EMILIN1: variants seen among roughly 807,000 people sequenced by gnomAD.
EMILIN1 encodes EMILIN-1.
Under a neutral mutation model 82.4 loss-of-function variants are expected in EMILIN1, and 49 were observed. The ratio of observed to expected loss-of-function variants is 0.59; its 90% CI spans 0.47 to 0.75. The LOEUF is 0.75. Among genes scored for constraint, EMILIN1 ranks in the 30% least tolerant of loss-of-function variants. EMILIN1 has a pLI of 0.00. For synonymous variants in EMILIN1, 604 were observed against 602.2 expected, an observed-to-expected ratio of 1.00 and a Z score of -0.04; for missense variants, 1,313 against 1,366.4, an observed-to-expected ratio of 0.96 and a Z score of 0.62.
At chr2:27,084,102 T>C in intron 4 of EMILIN1, 91 bp downstream of exon 4, 1 of 1,323,544 alleles carries the variant, frequency 7.6e-7, no homozygotes, top group Non-Finnish European at 1.0e-6. Context: ...ATCTGCTTTC[T>C]CCTTGCTTTT....
In EMILIN1 at chr2:27,085,915, G is replaced by C. The variant is rs908527290; in HGVS notation, c.2951G>C (p.Cys984Ser). 2.6e-6 allele frequency: 4 copies of C among 1,552,998 alleles called. No homozygotes were observed. The highest frequency in any genetic ancestry group is 3.5e-6 in the Non-Finnish European group (4 of 1,144,878). Residue 984 changes from cysteine (C) to serine (S), a missense_variant, in exon 8 of 8, where the codon TGC (cysteine) becomes TCC (serine). Cys to Ser is a moderately radical substitution (Grantham distance 112). Transcript: ENST00000380320. The stretch of plus-strand genomic sequence containing the variant: ...CCGCTGCAGGCCGGGGACACGGTCT[G>C]CGTCGACCTGGTCATGGGGCAGCTG... ...ILPLQAGDTVCVDLVMGQLAH... is the reference protein window; with the variant it reads ...ILPLQAGDTVSVDLVMGQLAH...
rs768179249 is a variant in EMILIN1, at chr2:27,080,146, T to A, written c.171-5T>A. 1 of 1,613,866 alleles carries A rather than the reference T, an allele frequency of 6.2e-7. No homozygotes were observed. Among genetic ancestry groups the A allele is most frequent in the Non-Finnish European group, 8.5e-7 (1 of 1,179,796 alleles). ...CCTTGGACCCAGAGGGGGTTGTACCTACAGGAACTGGTGTGCCTACGTGGT... is the reference window on the plus strand; with the variant it reads ...CCTTGGACCCAGAGGGGGTTGTACCAACAGGAACTGGTGTGCCTACGTGGT... On this transcript the variant is annotated splice_polypyrimidine_tract_variant and splice_region_variant and intron_variant, in intron 1 of 7. Coordinates refer to ENST00000380320, the MANE Select transcript of EMILIN1 (RefSeq NM_007046.4).
chr2:27,084,460 G>C lies in EMILIN1; in HGVS notation c.2486G>C (p.Gly829Ala), dbSNP rs762501087. Residue 829 changes from glycine to alanine, a missense_variant, in exon 5 of 8, where the codon GGA (glycine) becomes GCA (alanine). Transcript: ENST00000380320. Reference protein sequence around the residue: ...AGPPGPPGLQGPPGPAGPPGS... With the variant: ...AGPPGPPGLQAPPGPAGPPGS... ...CCCCCAGGGCCTCCTGGGCTGCAGGGACCCCCAGGCCCTGCTGGACCTCCA... is the reference window on the plus strand; with the variant it reads ...CCCCCAGGGCCTCCTGGGCTGCAGGCACCCCCAGGCCCTGCTGGACCTCCA... The C allele has an allele frequency of 1.2e-6, 2 of 1,612,862 alleles. No individual in the cohort carries two copies. Among genetic ancestry groups the C allele is most frequent in the Non-Finnish European group, 1.7e-6 (2 of 1,179,824 alleles).
At chr2:27,084,659 C>A in intron 5 of EMILIN1, 128 bp downstream of exon 5, 1 of 655,914 alleles carries the variant, frequency 1.5e-6, no homozygotes, top group East Asian at 2.6e-5. Flanking sequence ...ACTACCTGAC[C>A]GATAAGGGAA....
At chr2:27,084,042 T>G in intron 4 of EMILIN1, 31 bp downstream of exon 4, 1 of 1,442,932 alleles carries the variant, frequency 6.9e-7, no homozygotes, top group Non-Finnish European at 9.1e-7. Flanking sequence ...AGGGGACCCC[T>G]TTCAAGCCCC....
In EMILIN1 at chr2:27,080,826, T is replaced by C. The variant is rs772034447; in HGVS notation, c.385T>C (p.Cys129Arg). Residue 129 changes from cysteine to arginine, a missense_variant, in exon 3 of 8, where the codon TGT (cysteine) becomes CGT (arginine). Physicochemically the swap from Cys to Arg is radical, Grantham distance 180 (BLOSUM62 -3). Transcript: ENST00000380320. ...RCCQGYGGDD[C>R]AESPAPALGP... ...CTGTCAGGGTTATGGGGGCGATGAC[T>C]GTGCTGAGAGTCCCGCTCCAGCGCT... 21 of 1,613,434 alleles carry C rather than the reference T, an allele frequency of 1.3e-5. No homozygotes were observed. The South Asian group carries it at 2.2e-4, about 17-fold the overall frequency.
rs1381485639 is a variant in EMILIN1 at position 27,084,981 on chromosome 2, C to T, written c.2558-10C>T. ...TTTATTTCTCACTGCTCCCTTTCCT[C>T]TTCTCACAGGTCCTCAAGGTGAACA... On this transcript the variant is annotated splice_polypyrimidine_tract_variant and intron_variant, in intron 5 of 7. Coordinates refer to ENST00000380320, the MANE Select transcript of EMILIN1 (RefSeq NM_007046.4). 3.1e-6 allele frequency: 5 copies of T among 1,613,370 alleles called. No individual in the cohort carries two copies. In the African/African-American group the frequency reaches 6.7e-5, roughly 22 times the overall value.
intron 1 of EMILIN1, 114 bp downstream of exon 1, chr2:27,079,349 C>A: frequency 2.1e-6 from 2 of 943,096 alleles, no homozygotes; most frequent in African/African-American, 1.7e-5. Context: ...GAGTGAGAAG[C>A]CCATCCATCA....
chr2:27,084,912 G>A (rs1669568242), intron 5 of EMILIN1, 79 bp from the exon 6 acceptor site: 1 of 1,370,656 alleles, frequency 7.3e-7, no homozygotes, highest in Non-Finnish European at 1.0e-6. Context: ...AGCACAACAG[G>A]AGAGCCTCAG....
intron 4 of EMILIN1, 110 bp downstream of exon 4, chr2:27,084,121 G>C: frequency 8.2e-7 from 1 of 1,216,684 alleles, no homozygotes; most frequent in Non-Finnish European, 1.1e-6. Flanking sequence ...TTCCCAACAT[G>C]AATTGCAGCC....
rs1369319095 is a variant in EMILIN1, at chr2:27,079,163, C to G, written c.98C>G (p.Thr33Arg). 6.3e-7 allele frequency: 1 copy of G among 1,595,100 alleles called. No homozygotes were observed. The highest frequency in any genetic ancestry group is 1.4e-5 in the African/African-American group (1 of 73,084). ...CCTCCTCGAGGTTTCAGCCTCTACACAGGTTCCAGTGGGGCCCTCAGCCCC... is the reference window on the plus strand; with the variant it reads ...CCTCCTCGAGGTTTCAGCCTCTACAGAGGTTCCAGTGGGGCCCTCAGCCCC... Reference protein sequence around the residue: ...SYPPRGFSLYTGSSGALSPGG... With the variant: ...SYPPRGFSLYRGSSGALSPGG... Residue 33 changes from threonine to arginine, a missense_variant, in exon 1 of 8, where the codon ACA (threonine) becomes AGA (arginine). By Grantham distance (71) the Thr-to-Arg change is moderately conservative. Transcript: ENST00000380320.
Position 27,084,501 on chromosome 2 carries a change from G to A in EMILIN1, c.2527G>A (p.Asp843Asn), listed in dbSNP as rs770450689. The change falls in exon 5 of 8, where the codon GAC (aspartate) becomes AAC (asparagine). Residue 843 changes from aspartate (D) to asparagine (N), a missense_variant. Physicochemically the swap from Asp to Asn is conservative, Grantham distance 23. Coordinates refer to ENST00000380320, the MANE Select transcript of EMILIN1 (RefSeq NM_007046.4). ...TGGACCTCCAGGATCACCAGGCAAG[G>A]ACGGGCAAGAGGGCCCCATCGGGCC... ...PAGPPGSPGK[D>N]GQEGPIGPPG... 2 of 1,613,092 alleles carry A rather than the reference G, an allele frequency of 1.2e-6. No individual in the cohort carries two copies. Among genetic ancestry groups the A allele is most frequent in the Non-Finnish European group, 1.7e-6 (2 of 1,179,710 alleles).
In EMILIN1 at chr2:27,079,217, G is replaced by C. The variant is rs201575918; in HGVS notation, c.152G>C (p.Arg51Pro). The part of the protein sequence containing the change: ...PGGPQAQIAP[R>P]PASRHRNWCA... Reference sequence around the variant, plus strand: ...GGGCCCCAGGCCCAGATTGCCCCCCGGCCAGCCAGCCGCCACAGGTAAGAG... The same window carrying C: ...GGGCCCCAGGCCCAGATTGCCCCCCCGCCAGCCAGCCGCCACAGGTAAGAG... Residue 51 changes from arginine to proline, a missense_variant, in exon 1 of 8, where the codon CGG (arginine) becomes CCG (proline). By Grantham distance (103) the Arg-to-Pro change is moderately radical. Coordinates refer to ENST00000380320, the MANE Select transcript of EMILIN1 (RefSeq NM_007046.4). The C allele has an allele frequency of 3.2e-6, 5 of 1,572,562 alleles. No homozygotes were observed. Among genetic ancestry groups the C allele is most frequent in the South Asian group, 1.1e-5 (1 of 87,204 alleles).
chr2:27,084,619 C>A, intron 5 of EMILIN1, 88 bp downstream of exon 5: 1 of 775,208 alleles, frequency 1.3e-6, no homozygotes. Context: ...GCTTGACATT[C>A]CACTCTGAAC....
Position 27,083,622 on chromosome 2 carries a change from G to T in EMILIN1, c.2051G>T (p.Arg684Leu). The T allele has an allele frequency of 2.5e-6, 4 of 1,612,636 alleles. No homozygotes were observed. Among genetic ancestry groups the T allele is most frequent in the Non-Finnish European group, 3.4e-6 (4 of 1,178,852 alleles). Residue 684 changes from arginine (R) to leucine (L), a missense_variant, in exon 4 of 8, where the codon CGT becomes CTT. By Grantham distance (102) the Arg-to-Leu change is moderately radical (BLOSUM62 -2). Transcript: ENST00000380320. ...GCTGACCTGGGGGCAACCAAGGACC[G>T]TATCATTTCTGAGATTAACAGGCTG... ...DLADLGATKD[R>L]IISEINRLQQ... is the part of the protein sequence containing the mutation.
rs747890942 is a variant in EMILIN1, at chr2:27,080,967, T to G, written c.511+15T>G. ...GGGGGGAGAAGGTGAGTGTGGGAGC[T>G]GCTGCGAGGGTGGCAAGTTCCAAAT... is the stretch of plus-strand genomic sequence containing the variant. On this transcript the variant is annotated intron_variant, in intron 3 of 7. Transcript: ENST00000380320. 7.1e-6 allele frequency: 11 copies of G among 1,541,430 alleles called. No homozygotes were observed. Among genetic ancestry groups the G allele is most frequent in the Middle Eastern group, 1.9e-4 (1 of 5,364 alleles).
In EMILIN1 at chr2:27,085,955, G is replaced by A. The variant is rs1183265755; in HGVS notation, c.2991G>A (p.Glu997=). 2 of 1,513,688 alleles carry A rather than the reference G, an allele frequency of 1.3e-6. No individual in the cohort carries two copies. Among genetic ancestry groups the A allele is most frequent in the Non-Finnish European group, 8.9e-7 (1 of 1,122,938 alleles). 93.8% of individuals were successfully genotyped at this position (1,513,688 alleles called of 1,614,324 possible). The change falls in exon 8 of 8, where the codon GAG becomes GAA. Residue 997 remains glutamate (E), a synonymous_variant. Coordinates refer to ENST00000380320, the MANE Select transcript of EMILIN1 (RefSeq NM_007046.4). ...TGGGGCAGCTGGCGCACTCGGAGGA[G>A]CCGCTCACCATCTTCAGCGGGGCCC... ...LVMGQLAHSE[E]PLTIFSGALL... is the part of the protein sequence containing the mutation.
rs1183265755 is a variant in EMILIN1, at chr2:27,085,955, G to T, written c.2991G>T (p.Glu997Asp). The change falls in exon 8 of 8, where the codon GAG (glutamate) becomes GAT (aspartate). Residue 997 changes from glutamate to aspartate, a missense_variant. By Grantham distance (45) the Glu-to-Asp change is conservative. Transcript: ENST00000380320. ...LVMGQLAHSE[E>D]PLTIFSGALL... ...TGGGGCAGCTGGCGCACTCGGAGGA[G>T]CCGCTCACCATCTTCAGCGGGGCCC... 55 of 1,513,730 alleles carry T rather than the reference G, an allele frequency of 3.6e-5. No homozygotes were observed. The highest frequency in any genetic ancestry group is 1.7e-4 in the South Asian group (14 of 80,340). The allele number at this position is 1,513,730 out of a possible 1,614,324, so 93.8% of individuals were successfully genotyped here.
rs1381229530 is a variant in EMILIN1, at chr2:27,081,091, C to T, written c.511+139C>T. Reference sequence around the variant, plus strand: ...AGAGGGGCAGAAGGGTTAGTGAGATCGCAGAGATTCCCTGCCCGTGTGTGT... The same window carrying T: ...AGAGGGGCAGAAGGGTTAGTGAGATTGCAGAGATTCCCTGCCCGTGTGTGT... On this transcript the variant is annotated intron_variant, in intron 3 of 7. Transcript: ENST00000380320. 6.4e-6 allele frequency: 4 copies of T among 623,648 alleles called. No homozygotes were observed. The East Asian group carries it at 8.4e-5, about 13-fold the overall frequency. 38.6% of individuals were successfully genotyped at this position (623,648 alleles called of 1,614,324 possible).
Sources: gnomAD v4.1 joint callset for allele counts on GRCh38, gnomAD v4.1.1 for gene constraint, MANE v1.5 for transcripts, NCBI Gene and HGNC (gene_info 2026-07-23, HGNC 2026-07-21) for gene names.